SLC25A21: variants seen among roughly 807,000 people sequenced by gnomAD.
SLC25A21 encodes the protein solute carrier family 25 member 21, also known as mitochondrial 2-oxodicarboxylate carrier.
A neutral mutation model predicts 43.8 loss-of-function variants in SLC25A21; 47 were observed. The observed-to-expected ratio is 1.07, with a 90% confidence interval of 0.85 to 1.37. SLC25A21 has a LOEUF of 1.37. Among genes scored for constraint, SLC25A21 ranks in the 40% most tolerant of loss-of-function variants. The probability of loss-of-function intolerance (pLI) is 0.00; values close to 1 mark genes in which losing one functional copy is unlikely to be tolerated. For missense variants in SLC25A21, 352 were observed against 350.2 expected, an observed-to-expected ratio of 1.00 and a Z score of -0.04; for synonymous variants, 131 against 121.3, an observed-to-expected ratio of 1.08 and a Z score of -0.52.
chr14:36,737,465 C>A (rs1401237648), intron 3 of SLC25A21, among the ~76,000 whole-genome samples: 1 of 152,104 alleles, frequency 6.6e-6, no homozygotes, highest in African/African-American at 2.4e-5. Flanking sequence ...CCTCCCATAC[C>A]ACCATCCTGA....
chr14:37,169,580 A>AACACACAC (rs1321339179), intron 1 of SLC25A21, among the ~76,000 whole-genome samples: 13,153 of 144,932 alleles, frequency 0.091, 858 homozygotes, highest in East Asian at 0.24. Flanking sequence ...AAAAGGTCAT[A>AACACACAC]ACACACACAC....
chr14:37,162,476 C>T (rs1184684167), intron 1 of SLC25A21, among the ~76,000 whole-genome samples: 6 of 58,446 alleles, frequency 1.0e-4, no homozygotes, highest in Admixed American at 1.8e-4. Flanking sequence ...AAAAAGTGGG[C>T]GAAGGACATG....
chr14:37,137,515 ATT>A (rs1020433363), intron 1 of SLC25A21, among the ~76,000 whole-genome samples: 1 of 152,172 alleles, frequency 6.6e-6, no homozygotes, highest in Non-Finnish European at 1.5e-5. Flanking sequence ...GAATTTTGTC[ATT>A]GTTTATAAGA....
chr14:36,864,098 T>C (rs1419002237), intron 2 of SLC25A21, among the ~76,000 whole-genome samples: 2 of 152,196 alleles, frequency 1.3e-5, no homozygotes, highest in African/African-American at 4.8e-5. Context: ...ATCTAGAATG[T>C]AGACATGCAG....
At chr14:36,942,151 TAAA>T (rs539020842) in intron 1 of SLC25A21, among the ~76,000 whole-genome samples, 1 of 147,210 alleles carries the variant, frequency 6.8e-6, no homozygotes, top group Admixed American at 6.8e-5. Context: ...GAGTTTGAAC[TAAA>T]AAAAAAAATC....
In SLC25A21 at chr14:36,679,958, G is replaced by C. The variant is rs1882135479; in HGVS notation, c.*700C>G. 5 of 809,778 alleles carry C rather than the reference G, an allele frequency of 6.2e-6. No homozygotes were observed. The highest frequency in any genetic ancestry group is 7.1e-6 in the Non-Finnish European group (5 of 703,460). 50.2% of individuals were successfully genotyped at this position (809,778 alleles called of 1,614,324 possible). A position where few individuals can be genotyped will look rare whatever the true frequency, so the allele number is the denominator to read the frequency against. On this transcript the variant is annotated 3_prime_UTR_variant, in exon 10 of 10. Transcript: ENST00000331299. The stretch of plus-strand genomic sequence containing the variant: ...TTGATTTAAACATGCTTAAACAACA[G>C]TGTTTTAACATTCTGTTTTAAACAA...
At chr14:37,057,257 T>G (rs935832493) in intron 1 of SLC25A21, among the ~76,000 whole-genome samples, 4 of 152,232 alleles carry the variant, frequency 2.6e-5, no homozygotes, top group African/African-American at 9.6e-5. Context: ...AATTTTGTTT[T>G]GCTTTTATCT....
In SLC25A21 at chr14:36,678,550, T is replaced by A. The variant is rs1166885827; in HGVS notation, c.*2108A>T. On this transcript the variant is annotated 3_prime_UTR_variant, in exon 10 of 10. Transcript: ENST00000331299. Reference sequence around the variant, plus strand: ...CCAATCCAATATTTTGGTGGAGACTTCTTTAAAACCATACCATACAGGGAC... The same window carrying A: ...CCAATCCAATATTTTGGTGGAGACTACTTTAAAACCATACCATACAGGGAC... The A allele has an allele frequency of 6.5e-7, 1 of 1,536,458 alleles. No individual in the cohort carries two copies. The highest frequency in any genetic ancestry group is 8.7e-7 in the Non-Finnish European group (1 of 1,146,554).
intron 2 of SLC25A21, among the ~76,000 whole-genome samples, chr14:36,853,313 G>A (rs534049620): frequency 1.3e-5 from 2 of 152,332 alleles, no homozygotes; most frequent in African/African-American, 4.8e-5. Context: ...GCATTTTACA[G>A]CAGATTGTCT....
intron 1 of SLC25A21, among the ~76,000 whole-genome samples, chr14:37,065,607 G>A (rs1476536831): frequency 6.6e-6 from 1 of 152,090 alleles, no homozygotes; most frequent in Non-Finnish European, 1.5e-5. Flanking sequence ...CAACACCAGG[G>A]GACTTAAGGA....
Position 36,754,735 on chromosome 14 carries a change from G to GAA in SLC25A21, c.204-20164_204-20163dup, listed in dbSNP as rs11415759. On this transcript the variant is annotated intron_variant, in intron 3 of 9. Transcript: ENST00000331299. ...CATACAAAAGACAGTGCCCAAAAGA[G>GAA]AAAAAAAAAGAGATAAAAGTATAAT... 4.5e-4 allele frequency among the ~76,000 whole-genome samples: 67 copies of GAA among 150,264 alleles called. 1 individual carries two copies. Among genetic ancestry groups the GAA allele is most frequent in the African/African-American group, 8.6e-4 (35 of 40,934 alleles).
intron 1 of SLC25A21, among the ~76,000 whole-genome samples, chr14:37,089,001 A>G (rs17178639): frequency 0.027 from 4,057 of 152,270 alleles, 87 homozygotes; most frequent in Middle Eastern, 0.048. Context: ...ACATGCCCAT[A>G]ATGTATACAG....
In SLC25A21 at chr14:37,034,803, G is replaced by A. The variant is rs577303917; in HGVS notation, c.70+137478C>T. ...CAGGTGAAAAGTGGTAAGAAGCAAAGGGGAGCTGTTGTTGATGGACACAGG... is the reference window on the plus strand; with the variant it reads ...CAGGTGAAAAGTGGTAAGAAGCAAAAGGGAGCTGTTGTTGATGGACACAGG... On this transcript the variant is annotated intron_variant, in intron 1 of 9. Transcript: ENST00000331299. 2.0e-5 allele frequency among the ~76,000 whole-genome samples: 3 copies of A among 152,350 alleles called. No homozygotes were observed. The South Asian group carries it at 6.2e-4, about 32-fold the overall frequency.
chr14:36,954,064 C>T (rs1395248431), intron 1 of SLC25A21, among the ~76,000 whole-genome samples: 2 of 152,156 alleles, frequency 1.3e-5, no homozygotes, highest in Non-Finnish European at 2.9e-5. Context: ...ACCAGACTAT[C>T]ATACTGGTGG....
intron 1 of SLC25A21, among the ~76,000 whole-genome samples, chr14:37,051,598 C>A (rs1243438317): frequency 6.6e-6 from 1 of 152,118 alleles, no homozygotes; most frequent in African/African-American, 2.4e-5. Flanking sequence ...GGACTATTTA[C>A]AAATATGGTG....
chr14:36,843,246 G>A (rs566258106), intron 2 of SLC25A21, among the ~76,000 whole-genome samples: 1 of 152,314 alleles, frequency 6.6e-6, no homozygotes, highest in South Asian at 2.1e-4. Flanking sequence ...CATCGTGCCA[G>A]AGAGGGAAGA....
intron 3 of SLC25A21, chr14:36,809,093 G>C (rs1266463656): frequency 2.0e-5 from 3 of 152,202 alleles, no homozygotes; most frequent in Admixed American, 1.3e-4. Flanking sequence ...ATGGTAAATA[G>C]AGATATCTGC....
chr14:36,927,205 T>A (rs1056947030), intron 1 of SLC25A21, among the ~76,000 whole-genome samples: 1 of 152,194 alleles, frequency 6.6e-6, no homozygotes, highest in Non-Finnish European at 1.5e-5. Flanking sequence ...CAAGCTCTTG[T>A]AAAATATGTC....
At chr14:36,930,870 G>A (rs949090257) in intron 1 of SLC25A21, among the ~76,000 whole-genome samples, 4 of 152,108 alleles carry the variant, frequency 2.6e-5, no homozygotes, top group African/African-American at 9.7e-5. Flanking sequence ...CTGGCTGAGA[G>A]AGTTAAGTAT....
Sources: gnomAD v4.1 joint callset for allele counts (sites outside exome capture counted in the v4.1 genomes callset) on GRCh38, gnomAD v4.1.1 for gene constraint, MANE v1.5 for transcripts, NCBI Gene and HGNC (gene_info 2026-07-23, HGNC 2026-07-21) for gene names.